The following HAS1 variants were observed in gnomAD, a reference collection of about 807,000 sequenced individuals.
HAS1 encodes the protein HA synthase 1.
In HAS1, 27 loss-of-function variants were observed where a neutral mutation model predicts 35.0. That is an observed-to-expected ratio of 0.77 (90% CI 0.57 to 1.06). The LOEUF (loss-of-function observed/expected upper bound fraction) is 1.06. HAS1 is among the 50% of genes least tolerant of loss of function. The probability of loss-of-function intolerance (pLI) is 0.00; values close to 1 mark genes in which losing one functional copy is unlikely to be tolerated. For missense variants in HAS1, 940 were observed against 814.8 expected (o/e 1.15, Z -1.87); for synonymous variants, 409 against 371.2 (o/e 1.10, Z -1.17).
At chr19:51,718,501 A>C (rs1180704243) in intron 2 of HAS1, among the ~76,000 whole-genome samples, 1 of 152,176 alleles carries the variant, frequency 6.6e-6, no homozygotes, top group East Asian at 1.9e-4. Context: ...GTAAAGAAAA[A>C]GAATTTCTAC....
At chr19:51,723,884 T>TACACACACAC (rs58597876) in intron 1 of HAS1, 41 bp downstream of exon 1, 47,343 of 1,212,956 alleles carry the variant, frequency 0.039, 1,007 homozygotes, top group East Asian at 0.11. Flanking sequence ...CATGGCTGTA[T>TACACACACAC]ACACACACAC....
intron 4 of HAS1, among the ~76,000 whole-genome samples, chr19:51,715,964 C>T (rs1309333185): frequency 6.6e-6 from 1 of 152,204 alleles, no homozygotes. Context: ...TCTACCCTCA[C>T]CTTGCCTCTC....
chr19:51,716,162 G>T, intron 4 of HAS1, 94 bp downstream of exon 4: 1 of 1,112,432 alleles, frequency 9.0e-7, no homozygotes, highest in Non-Finnish European at 1.3e-6. Flanking sequence ...TGTCTGGTGA[G>T]TTACTTTGGA....
In HAS1 at chr19:51,717,068, C is replaced by T. The variant is rs2083591794; in HGVS notation, c.825G>A (p.Trp275Ter). 2 of 1,613,946 alleles carry T rather than the reference C, an allele frequency of 1.2e-6. No homozygotes were observed. Among genetic ancestry groups the T allele is most frequent in the Admixed American group, 1.7e-5 (1 of 59,970 alleles). ...DVRILNPLDS[W>*]VSFLSSLRYW... ...ATCGCAGGCTGCTTAGGAAGCTGAC[C>T]CAGGAGTCCAGAGGGTTAAGGATCC... Residue 275 changes from tryptophan (W) to a stop codon, truncating the protein, a stop_gained, in exon 3 of 5, where the codon TGG becomes TGA. Coordinates refer to ENST00000540069, the MANE Select transcript of HAS1 (RefSeq NM_001297436.2). LOFTEE classifies it high-confidence loss of function.
At chr19:51,716,842 T>C (rs749291242) in intron 3 of HAS1, 126 bp downstream of exon 3, 1 of 735,958 alleles carries the variant, frequency 1.4e-6, no homozygotes, top group Non-Finnish European at 2.4e-6. Context: ...TCCAGTTTTA[T>C]CCCATCCCCA....
chr19:51,714,236 A>C (rs982341649), intron 4 of HAS1, 134 bp from the exon 5 acceptor site: 2 of 1,378,866 alleles, frequency 1.5e-6, no homozygotes, highest in Non-Finnish European at 2.0e-6. Context: ...CAGTGTTCTC[A>C]TGTGTAGAAT....
intron 4 of HAS1, 46 bp from the exon 5 acceptor site, chr19:51,714,148 G>T (rs745941159): frequency 3.2e-6 from 5 of 1,577,218 alleles, no homozygotes; most frequent in East Asian, 4.6e-5. Context: ...GCTCCCTGGG[G>T]CCTGGGCAGG....
chr19:51,714,206 T>G (rs1402978322), intron 4 of HAS1, 104 bp from the exon 5 acceptor site: 4 of 1,512,258 alleles, frequency 2.6e-6, no homozygotes, highest in Non-Finnish European at 2.7e-6. Flanking sequence ...GGGGGCGAGT[T>G]TCTTAACCTC....
chr19:51,719,350 C>T lies in HAS1; in HGVS notation c.555G>A (p.Val185=), dbSNP rs1188036208. 2 of 1,609,630 alleles carry T rather than the reference C, an allele frequency of 1.2e-6. No homozygotes were observed. Among genetic ancestry groups the T allele is most frequent in the East Asian group, 4.5e-5 (2 of 44,586 alleles). The change falls in exon 2 of 5, where the codon GTG becomes GTA. Residue 185 remains valine, a synonymous_variant. Transcript: ENST00000540069. ...CCAGCCGCCCAGGATCCTCCGCCTC[C>T]ACCTCCCGATAGGCTCCGGCGCCCA... ...GAVGAGAYRE[V]EAEDPGRLAV...
intron 2 of HAS1, 42 bp downstream of exon 2, chr19:51,719,164 G>T: frequency 8.0e-7 from 1 of 1,249,040 alleles, no homozygotes; most frequent in South Asian, 1.5e-5. Context: ...AGTGGGATTT[G>T]GGTGTTCGGG....
intron 4 of HAS1, among the ~76,000 whole-genome samples, chr19:51,714,615 C>G (rs894880242): frequency 1.4e-5 from 2 of 141,040 alleles, no homozygotes; most frequent in Non-Finnish European, 3.0e-5. Context: ...CACTTGAGCT[C>G]AGGAGTTTGA....
rs530843160 is a variant in HAS1, at chr19:51,713,138, T to C, written c.*289A>G. On this transcript the variant is annotated 3_prime_UTR_variant, in exon 5 of 5. Transcript: ENST00000540069. This position sits in a 1 kb window ranked among gnomAD's most constrained non-coding sequence, Gnocchi z 4.5. ...AAAATAAATAAAATTCTTTATTACA[T>C]CCTGATCACACAGTAGAAATGGAGA... 185 of 379,196 alleles carry C rather than the reference T, an allele frequency of 4.9e-4. 2 individuals are homozygous for C. Among genetic ancestry groups the C allele is most frequent in the African/African-American group, 3.7e-3 (179 of 48,124 alleles). 23.5% of individuals were successfully genotyped at this position (379,196 alleles called of 1,614,324 possible). A position where few individuals can be genotyped will look rare whatever the true frequency, so the allele number is the denominator to read the frequency against.
intron 4 of HAS1, among the ~76,000 whole-genome samples, chr19:51,715,231 C>G (rs990197842): frequency 6.6e-6 from 1 of 152,140 alleles, no homozygotes; most frequent in Non-Finnish European, 1.5e-5. Context: ...TACAACGTGT[C>G]ACTTCTCTGC....
chr19:51,713,489 A>G lies in HAS1; in HGVS notation c.1672T>C (p.Tyr558His). 6.2e-7 allele frequency: 1 copy of G among 1,604,346 alleles called. No homozygotes were observed. Among genetic ancestry groups the G allele is most frequent in the Non-Finnish European group, 8.5e-7 (1 of 1,175,744 alleles). The stretch of plus-strand genomic sequence containing the variant: ...CAAAGCCTCCGCACGCCCACCCAGT[A>G]CAGCGTCAACATGGCCACCCAGTAG... ...VGYWVAMLTLYWVGVRRLCRR... is the reference protein window; with the variant it reads ...VGYWVAMLTLHWVGVRRLCRR... The change falls in exon 5 of 5, where the codon TAC (tyrosine) becomes CAC (histidine). Residue 558 changes from tyrosine (Y) to histidine (H), a missense_variant. Tyr to His is a moderately conservative substitution (Grantham distance 83). Coordinates refer to ENST00000540069, the MANE Select transcript of HAS1 (RefSeq NM_001297436.2). This position sits in a 1 kb window ranked among gnomAD's most constrained non-coding sequence, Gnocchi z 4.5.
chr19:51,718,689 A>G (rs2083602667), intron 2 of HAS1, among the ~76,000 whole-genome samples: 1 of 152,174 alleles, frequency 6.6e-6, no homozygotes, highest in African/African-American at 2.4e-5. Flanking sequence ...GGCATTCGCC[A>G]CCATGCTCGG....
At chr19:51,716,140 G>T in intron 4 of HAS1, 116 bp downstream of exon 4, 1 of 919,640 alleles carries the variant, frequency 1.1e-6, no homozygotes, top group Non-Finnish European at 1.7e-6. Context: ...AGTCTCACTT[G>T]ATAGAGCCCA....
At position 51,719,662 on chromosome 19, in the gene HAS1, C is replaced by T. The variant is rs1432481818; in HGVS notation, c.243G>A (p.Ala81=). 3.9e-6 allele frequency: 6 copies of T among 1,541,822 alleles called. No individual in the cohort carries two copies. ...LFAYLEHRRV[A]AAARGPLDAA... ...CATCCAGCGGCCCCCGCGCCGCCGC[C>T]GCCACCCGCCGGTGCTCCAGGTACG... The change falls in exon 2 of 5, where the codon GCG becomes GCA. Residue 81 remains alanine (A), a synonymous_variant. Transcript: ENST00000540069.
At position 51,713,950 on chromosome 19, in the gene HAS1, G is replaced by A. The variant is rs747374174; in HGVS notation, c.1211C>T (p.Ala404Val). Reference protein sequence around the residue: ...HRHHAWMTYEAVVSGLFPFFV... With the variant: ...HRHHAWMTYEVVVSGLFPFFV... ...GAAGGGGAACAGGCCGGAGACCACC[G>A]CCTCGTAGGTCATCCACGCATGGTG... The change falls in exon 5 of 5, where the codon GCG becomes GTG. Residue 404 changes from alanine (A) to valine (V), a missense_variant. Transcript: ENST00000540069. This position sits in a 1 kb window ranked among gnomAD's most constrained non-coding sequence, Gnocchi z 4.5. 6 of 1,611,204 alleles carry A rather than the reference G, an allele frequency of 3.7e-6. No homozygotes were observed. Among genetic ancestry groups the A allele is most frequent in the Non-Finnish European group, 5.1e-6 (6 of 1,180,012 alleles).
chr19:51,719,358 G>T lies in HAS1; in HGVS notation c.547C>A (p.Arg183=). 1 of 1,603,780 alleles carries T rather than the reference G, an allele frequency of 6.2e-7. No individual in the cohort carries two copies. The highest frequency in any genetic ancestry group is 1.3e-5 in the African/African-American group (1 of 74,674). The change falls in exon 2 of 5, where the codon CGG becomes AGG. Residue 183 remains arginine, a synonymous_variant. Coordinates refer to ENST00000540069, the MANE Select transcript of HAS1 (RefSeq NM_001297436.2). ...AAGAVGAGAY[R]EVEAEDPGRL... is the part of the protein sequence containing the mutation. Reference sequence around the variant, plus strand: ...CCAGGATCCTCCGCCTCCACCTCCCGATAGGCTCCGGCGCCCACCGCGCCC... The same window carrying T: ...CCAGGATCCTCCGCCTCCACCTCCCTATAGGCTCCGGCGCCCACCGCGCCC...
Sources: gnomAD v4.1 joint callset for allele counts (sites outside exome capture counted in the v4.1 genomes callset) on GRCh38, gnomAD v4.1.1 for gene constraint, Gnocchi (gnomAD v3.1) non-coding constraint, MANE v1.5 for transcripts, NCBI Gene and HGNC (gene_info 2026-07-23, HGNC 2026-07-21) for gene names.